FAM13A: variants seen among roughly 807,000 people sequenced by gnomAD.
FAM13A encodes protein FAM13A.
A neutral mutation model predicts 129.6 loss-of-function variants in FAM13A; 76 were observed. The observed-to-expected ratio is 0.59, with a 90% CI of 0.49 to 0.71. The LOEUF is 0.71. Among genes scored for constraint, FAM13A ranks in the 30% least tolerant of loss-of-function variants. The pLI is 0.00. For synonymous variants in FAM13A, 443 were observed against 449.9 expected (o/e 0.98, Z 0.20); for missense variants, 1,108 against 1,249.3 (o/e 0.89, Z 1.70).
intron 21 of FAM13A, among the ~76,000 whole-genome samples, chr4:88,737,017 A>G (rs544921200): frequency 6.6e-6 from 1 of 152,186 alleles, no homozygotes; most frequent in Non-Finnish European, 1.5e-5. Context: ...ATATGTTTAT[A>G]TATATATTTC....
intron 6 of FAM13A, among the ~76,000 whole-genome samples, chr4:88,901,161 A>C (rs1325212448): frequency 6.6e-6 from 1 of 152,204 alleles, no homozygotes; most frequent in East Asian, 1.9e-4. Context: ...TTAGAGACCT[A>C]TAAAGAGACT....
chr4:88,974,548 G>C lies in FAM13A; in HGVS notation c.605+16425C>G, dbSNP rs564823530. On this transcript the variant is annotated intron_variant, in intron 4 of 23. Coordinates refer to ENST00000264344, the MANE Select transcript of FAM13A (RefSeq NM_014883.4). Reference sequence around the variant, plus strand: ...GCTGGAGTGTAATGGCGTGATCTTGGCTCACTGCAACCTCCGCCTCCTGGG... The same window carrying C: ...GCTGGAGTGTAATGGCGTGATCTTGCCTCACTGCAACCTCCGCCTCCTGGG... 2.9e-3 allele frequency among the ~76,000 whole-genome samples: 443 copies of C among 152,148 alleles called. 2 individuals are homozygous for C. The highest frequency in any genetic ancestry group is 0.01 in the African/African-American group (417 of 41,484).
chr4:88,817,789 A>G (rs979142751), intron 7 of FAM13A, among the ~76,000 whole-genome samples: 1 of 152,164 alleles, frequency 6.6e-6, no homozygotes, highest in Non-Finnish European at 1.5e-5. Context: ...GTCATCTTCC[A>G]ATATTGATGC....
At chr4:88,925,191 C>G (rs572007248) in intron 5 of FAM13A, among the ~76,000 whole-genome samples, 37 of 152,152 alleles carry the variant, frequency 2.4e-4, no homozygotes, top group African/African-American at 8.9e-4. Flanking sequence ...TTGACCCAGC[C>G]ATCCCATTAG....
chr4:88,920,856 AGGAGCTGAT>A (rs1388210560), intron 5 of FAM13A, among the ~76,000 whole-genome samples: 1 of 152,234 alleles, frequency 6.6e-6, no homozygotes, highest in African/African-American at 2.4e-5. Context: ...AAGTGCTTAA[AGGAGCTGAT>A]GGAGCTGAAA....
intron 8 of FAM13A, among the ~76,000 whole-genome samples, chr4:88,804,459 C>G (rs1344349137): frequency 1.3e-5 from 2 of 152,116 alleles, no homozygotes; most frequent in Non-Finnish European, 2.9e-5. Context: ...CTGGAAAACC[C>G]TATCAGTACA....
intron 3 of FAM13A, among the ~76,000 whole-genome samples, chr4:89,014,235 T>G (rs12509305): frequency 6.6e-6 from 1 of 152,048 alleles, no homozygotes; most frequent in Non-Finnish European, 1.5e-5. Flanking sequence ...GTATTTGCCA[T>G]TGATTTTGAA....
chr4:89,016,606 T>C (rs1188669496), intron 3 of FAM13A, among the ~76,000 whole-genome samples: 2 of 152,150 alleles, frequency 1.3e-5, no homozygotes, highest in Non-Finnish European at 2.9e-5. Flanking sequence ...TTTTATACTA[T>C]ATTTTTACGT....
intron 6 of FAM13A, among the ~76,000 whole-genome samples, chr4:88,876,602 T>C (rs983530385): frequency 3.9e-5 from 6 of 152,084 alleles, no homozygotes; most frequent in Admixed American, 3.9e-4. Flanking sequence ...ATCACTTCTT[T>C]TTTTTTTGAG....
chr4:88,816,383 T>TA (rs1378503049), intron 7 of FAM13A, among the ~76,000 whole-genome samples: 1 of 152,184 alleles, frequency 6.6e-6, no homozygotes, highest in Non-Finnish European at 1.5e-5. Flanking sequence ...TAGCAATTTA[T>TA]ATGGAAAGCT....
intron 12 of FAM13A, 71 bp downstream of exon 12, chr4:88,767,912 C>T: frequency 1.1e-6 from 1 of 907,360 alleles, no homozygotes. Context: ...TCTTATAATT[C>T]ACATTGCATT....
At chr4:88,853,435 T>C (rs1167479480) in intron 6 of FAM13A, among the ~76,000 whole-genome samples, 1 of 152,112 alleles carries the variant, frequency 6.6e-6, no homozygotes, top group Non-Finnish European at 1.5e-5. Context: ...AAAGTAAAAA[T>C]ATACGCTGTT....
intron 3 of FAM13A, 125 bp downstream of exon 3, chr4:89,020,335 T>C (rs1404486474): frequency 8.5e-6 from 5 of 590,418 alleles, no homozygotes; most frequent in Non-Finnish European, 1.4e-5. Flanking sequence ...CACGGTGGTC[T>C]TCAACTCCTG....
chr4:88,991,791 C>A (rs1579660440), intron 3 of FAM13A, among the ~76,000 whole-genome samples: 1 of 152,258 alleles, frequency 6.6e-6, no homozygotes, highest in Non-Finnish European at 1.5e-5. Context: ...ATCTCCTTGA[C>A]CAATCTCTAG....
chr4:89,035,563 A>G (rs1006258848), intron 1 of FAM13A, among the ~76,000 whole-genome samples: 1 of 152,162 alleles, frequency 6.6e-6, no homozygotes, highest in Non-Finnish European at 1.5e-5. Flanking sequence ...CTAAGTTTAC[A>G]TGGTGATATG....
intron 5 of FAM13A, chr4:88,936,421 C>T (rs980493645): frequency 6.6e-6 from 1 of 152,184 alleles, no homozygotes; most frequent in Non-Finnish European, 1.5e-5. Context: ...AGAGTGGGAG[C>T]AAGAGTGAGG....
At position 88,790,700 on chromosome 4, in the gene FAM13A, G is replaced by A. The variant is rs895550056; in HGVS notation, c.1050-73C>T. Reference sequence around the variant, plus strand: ...GATGATGAACCAAACATGTGAAGTGGATCGCAGGCTGAAAGAAATTAGCTC... The same window carrying A: ...GATGATGAACCAAACATGTGAAGTGAATCGCAGGCTGAAAGAAATTAGCTC... On this transcript the variant is annotated intron_variant, in intron 8 of 23. Transcript: ENST00000264344. 3.8e-6 allele frequency: 5 copies of A among 1,298,742 alleles called. No homozygotes were observed. In the South Asian group the frequency reaches 6.2e-5, roughly 16 times the overall value. 80.5% of individuals were successfully genotyped at this position (1,298,742 alleles called of 1,614,324 possible).
At chr4:89,013,032 G>A (rs574068582) in intron 3 of FAM13A, among the ~76,000 whole-genome samples, 4 of 152,196 alleles carry the variant, frequency 2.6e-5, no homozygotes, top group Admixed American at 1.3e-4. Context: ...GGTGGGAGAT[G>A]AGAATACTGT....
chr4:88,746,432 G>A (rs1741351038), intron 19 of FAM13A, among the ~76,000 whole-genome samples: 1 of 152,160 alleles, frequency 6.6e-6, no homozygotes, highest in Admixed American at 6.5e-5. Context: ...CACGCTTCTG[G>A]TTCTGAACGG....
Sources: gnomAD v4.1 joint callset for allele counts (sites outside exome capture counted in the v4.1 genomes callset) on GRCh38, gnomAD v4.1.1 for gene constraint, MANE v1.5 for transcripts, NCBI Gene and HGNC (gene_info 2026-07-23, HGNC 2026-07-21) for gene names.